The following PAG1 variants were observed in gnomAD, a reference collection of about 807,000 sequenced individuals.
The protein encoded by PAG1 is phosphoprotein associated with glycosphingolipid-enriched microdomains 1.
A neutral mutation model predicts 31.7 loss-of-function variants in PAG1; 23 were observed. The observed-to-expected ratio is 0.73, with a 90% CI of 0.52 to 1.03. The LOEUF (loss-of-function observed/expected upper bound fraction) is 1.03, where lower values mean the gene tolerates loss of function less well. PAG1 is among the 50% of genes least tolerant of loss of function. The pLI is 0.00. For synonymous variants in PAG1, 214 were observed against 210.3 expected (o/e 1.02, Z -0.15); for missense variants, 473 against 540.7 (o/e 0.87, Z 1.24).
chr8:81,028,566 T>C (rs1808324469), intron 3 of PAG1, among the ~76,000 whole-genome samples: 1 of 152,236 alleles, frequency 6.6e-6, no homozygotes, highest in Non-Finnish European at 1.5e-5. Context: ...AAAGACTTTT[T>C]TCATGTAACA....
rs548276886 is a variant in PAG1 at position 80,992,987 on chromosome 8, G to A, written c.125+116C>T. The A allele has an allele frequency of 1.7e-5, 15 of 868,714 alleles. No individual in the cohort carries two copies. In the South Asian group the frequency reaches 2.6e-4, roughly 15 times the overall value. The allele number at this position is 868,714 out of a possible 1,614,324, so 53.8% of individuals were successfully genotyped here. ...GAAGAGAGTTAAAGCTAATGCACAA[G>A]TTTCTGGGACGGCTCTGTGGCGGGA... On this transcript the variant is annotated intron_variant, in intron 4 of 8. Coordinates refer to ENST00000220597, the MANE Select transcript of PAG1 (RefSeq NM_018440.4).
chr8:81,000,303 G>T (rs1807762053), intron 3 of PAG1, among the ~76,000 whole-genome samples: 1 of 152,164 alleles, frequency 6.6e-6, no homozygotes, highest in African/African-American at 2.4e-5. Context: ...TTCTCAAGCA[G>T]ATTCTCAAAA....
chr8:81,039,171 C>T (rs16919627), intron 2 of PAG1, among the ~76,000 whole-genome samples: 10,484 of 152,044 alleles, frequency 0.069, 714 homozygotes, highest in African/African-American at 0.17. Context: ...GCCTATGTGA[C>T]GCTTTTCTGA....
chr8:81,064,253 A>G (rs1488725050), intron 2 of PAG1, among the ~76,000 whole-genome samples: 4 of 152,104 alleles, frequency 2.6e-5, no homozygotes, highest in Non-Finnish European at 5.9e-5. Flanking sequence ...TAAGATCATC[A>G]TGAGTGCACA....
At chr8:81,010,296 T>C (rs1314199209) in intron 3 of PAG1, among the ~76,000 whole-genome samples, 1 of 152,226 alleles carries the variant, frequency 6.6e-6, no homozygotes, top group African/African-American at 2.4e-5. Flanking sequence ...CAGAGGGTGG[T>C]ATCTGAGCTC....
At position 80,985,271 on chromosome 8, in the gene PAG1, A is replaced by G; in HGVS notation, c.381T>C (p.Cys127=). The part of the protein sequence containing the change: ...DSQDSTGKPK[C]HQSRELPRIP... ...TTCTGGGCAGCTCCCGACTCTGATGACATTTTGGTTTCCCTGTGCTGTCCT... is the reference window on the plus strand; with the variant it reads ...TTCTGGGCAGCTCCCGACTCTGATGGCATTTTGGTTTCCCTGTGCTGTCCT... Residue 127 remains cysteine (C), a synonymous_variant, in exon 7 of 9, where the codon TGT becomes TGC. Coordinates refer to ENST00000220597, the MANE Select transcript of PAG1 (RefSeq NM_018440.4). 1 of 1,614,160 alleles carries G rather than the reference A, an allele frequency of 6.2e-7. No homozygotes were observed.
At chr8:81,108,901 G>A (rs1326426157) in intron 1 of PAG1, among the ~76,000 whole-genome samples, 1 of 152,188 alleles carries the variant, frequency 6.6e-6, no homozygotes, top group East Asian at 1.9e-4. Context: ...GCCTCTCTCT[G>A]CCCAAGGGAG....
chr8:81,086,419 A>G (rs769597391), intron 1 of PAG1, among the ~76,000 whole-genome samples: 2 of 152,178 alleles, frequency 1.3e-5, no homozygotes, highest in Non-Finnish European at 2.9e-5. Flanking sequence ...ATCCTCAGAC[A>G]GGAATACATT....
At chr8:81,030,218 C>T (rs1178017995) in intron 2 of PAG1, 129 bp from the exon 3 acceptor site, 2 of 152,182 alleles carry the variant, frequency 1.3e-5, no homozygotes, top group African/African-American at 4.8e-5. Context: ...TTCTTATATT[C>T]CTTCCTGAAC....
chr8:81,067,153 C>A (rs1356400709), intron 2 of PAG1, among the ~76,000 whole-genome samples: 1 of 152,094 alleles, frequency 6.6e-6, no homozygotes, highest in South Asian at 2.1e-4. Flanking sequence ...TCTCTAAAAG[C>A]AAACAAAACC....
At chr8:81,076,366 A>G (rs1563421568) in intron 1 of PAG1, among the ~76,000 whole-genome samples, 1 of 152,202 alleles carries the variant, frequency 6.6e-6, no homozygotes, top group African/African-American at 2.4e-5. Context: ...CCCAAGGATG[A>G]TGTGAGGGTG....
chr8:80,979,643 C>G (rs1250391693), intron 8 of PAG1, among the ~76,000 whole-genome samples: 1 of 152,090 alleles, frequency 6.6e-6, no homozygotes, highest in African/African-American at 2.4e-5. Flanking sequence ...TACTCAGAGT[C>G]CTATAGGAAG....
chr8:81,110,027 C>T (rs1809750216), intron 1 of PAG1, among the ~76,000 whole-genome samples: 2 of 152,228 alleles, frequency 1.3e-5, no homozygotes, highest in East Asian at 1.9e-4. Flanking sequence ...TCTGAAATAA[C>T]ATTTTGTGTA....
At chr8:80,981,995 A>T (rs1465938068) in intron 7 of PAG1, among the ~76,000 whole-genome samples, 1 of 149,988 alleles carries the variant, frequency 6.7e-6, no homozygotes, top group Admixed American at 6.7e-5. Context: ...CCTCCCAAGT[A>T]GCTGGGACTA....
intron 1 of PAG1, among the ~76,000 whole-genome samples, chr8:81,095,405 G>A (rs751345508): frequency 5.3e-5 from 8 of 152,140 alleles, no homozygotes; most frequent in African/African-American, 7.2e-5. Flanking sequence ...GCTGCTTCCC[G>A]ATCCTGAGTA....
chr8:81,021,938 G>A (rs544945366), intron 3 of PAG1, among the ~76,000 whole-genome samples: 4 of 152,176 alleles, frequency 2.6e-5, no homozygotes, highest in Non-Finnish European at 5.9e-5. Context: ...TACTTTAGAG[G>A]AGTCTGCATT....
At chr8:81,075,071 G>A (rs1809155250) in intron 1 of PAG1, among the ~76,000 whole-genome samples, 1 of 152,162 alleles carries the variant, frequency 6.6e-6, no homozygotes, top group African/African-American at 2.4e-5. Context: ...CCTGCAACCA[G>A]GTACCTATCT....
chr8:81,075,002 C>T (rs10096665), intron 1 of PAG1, among the ~76,000 whole-genome samples: 7,206 of 152,174 alleles, frequency 0.047, 510 homozygotes, highest in African/African-American at 0.16. Flanking sequence ...GAACGCTGCC[C>T]CTCCAAATGC....
At chr8:81,026,101 TTAATAA>T (rs916504257) in intron 3 of PAG1, among the ~76,000 whole-genome samples, 9 of 152,234 alleles carry the variant, frequency 5.9e-5, no homozygotes, top group Admixed American at 5.2e-4. Context: ...AACAGGAATG[TTAATAA>T]TAGTAATAGG....
Sources: allele counts gnomAD v4.1 joint callset (sites outside exome capture counted in the v4.1 genomes callset), GRCh38; gene constraint gnomAD v4.1.1; transcripts MANE v1.5; gene names NCBI Gene and HGNC (gene_info 2026-07-23, HGNC 2026-07-21).